The following CDYL2 variants were observed in gnomAD, a reference collection of about 807,000 sequenced individuals.
CDYL2 encodes the protein chromodomain Y like 2.
A neutral mutation model predicts 49.4 loss-of-function variants in CDYL2; 23 were observed. The observed-to-expected ratio is 0.47, with a 90% CI of 0.34 to 0.66. CDYL2 has a LOEUF of 0.66. Among genes scored for constraint, CDYL2 ranks in the 30% least tolerant of loss-of-function variants. The pLI is 0.01. For synonymous variants in CDYL2, 360 were observed against 268.8 expected (o/e 1.34, Z -3.32); for missense variants, 678 against 656.4 (o/e 1.03, Z -0.36).
chr16:80,774,524 C>A (rs1344597147), intron 1 of CDYL2, among the ~76,000 whole-genome samples: 1 of 151,536 alleles, frequency 6.6e-6, no homozygotes, highest in African/African-American at 2.4e-5. Flanking sequence ...TTATATACTC[C>A]AAAACTGCTA....
chr16:80,784,003 T>C (rs767939140), intron 1 of CDYL2, among the ~76,000 whole-genome samples: 5 of 152,218 alleles, frequency 3.3e-5, no homozygotes, highest in Admixed American at 6.5e-5. Context: ...CTAAATGCCA[T>C]TGAAATGTAC....
intron 1 of CDYL2, among the ~76,000 whole-genome samples, chr16:80,719,734 G>C (rs1053609700): frequency 6.6e-6 from 1 of 152,174 alleles, no homozygotes; most frequent in Non-Finnish European, 1.5e-5. Context: ...CAGGAAACAA[G>C]GAGGCTGTCG....
chr16:80,612,641 G>T lies in CDYL2; in HGVS notation c.1203C>A (p.Ile401=). The stretch of plus-strand genomic sequence containing the variant: ...GGAGGCTTACCAGCGCGACGCCCAG[G>T]ATCTGGGGGAAGGTGTAGGAGGAGC... The part of the protein sequence containing the change: ...AGCSSYTFPQ[I]LGVALANEML... Residue 401 remains isoleucine, a synonymous_variant, in exon 5 of 7, where the codon ATC becomes ATA. Transcript: ENST00000570137. This position sits in a 1 kb window ranked among gnomAD's most constrained non-coding sequence, Gnocchi z 5.0. 12 of 1,609,914 alleles carry T rather than the reference G, an allele frequency of 7.5e-6. No homozygotes were observed. The highest frequency in any genetic ancestry group is 1.0e-5 in the Non-Finnish European group (12 of 1,178,292).
chr16:80,795,468 A>G (rs73583946), intron 1 of CDYL2, among the ~76,000 whole-genome samples: 14,413 of 152,106 alleles, frequency 0.095, 1,491 homozygotes, highest in African/African-American at 0.25. Context: ...CAATGAATGG[A>G]CCTTTCACTG....
In CDYL2 at chr16:80,668,357, G is replaced by T. The variant is rs193277386; in HGVS notation, c.616+16181C>A. 1.5e-3 allele frequency among the ~76,000 whole-genome samples: 236 copies of T among 152,290 alleles called. 3 individuals are homozygous for T. Among genetic ancestry groups the T allele is most frequent in the Middle Eastern group, 0.01 (3 of 292 alleles). On this transcript the variant is annotated intron_variant, in intron 2 of 6. Transcript: ENST00000570137. ...TGAATAGACAGACAGATGACAGACA[G>T]ATATATACATATCTATACCTACATA...
At chr16:80,768,485 C>A (rs1036776073) in intron 1 of CDYL2, among the ~76,000 whole-genome samples, 1 of 152,204 alleles carries the variant, frequency 6.6e-6, no homozygotes, top group African/African-American at 2.4e-5. Context: ...AGTCCAAGAT[C>A]AAGGCCCCAG....
rs187078645 is a variant in CDYL2, at chr16:80,778,807, G to C, written c.24+25343C>G. Among the ~76,000 whole-genome samples the C allele has an allele frequency of 4.5e-3, 682 of 152,092 alleles. 8 individuals are homozygous for C. Among genetic ancestry groups the C allele is most frequent in the African/African-American group, 0.015 (625 of 41,522 alleles). ...ATAATGGAAATTGTAGAACAGAGTA[G>C]AATGCCTGGAAACAAACTCATATTA... On this transcript the variant is annotated intron_variant, in intron 1 of 6. Transcript: ENST00000570137.
intron 1 of CDYL2, among the ~76,000 whole-genome samples, chr16:80,712,988 C>T (rs1597093400): frequency 6.6e-6 from 1 of 152,310 alleles, no homozygotes; most frequent in East Asian, 1.9e-4. Flanking sequence ...TGTCCGAAGT[C>T]AAATGCACTC....
In CDYL2 at chr16:80,776,539, C is replaced by T. The variant is rs1250955384; in HGVS notation, c.24+27611G>A. Among the ~76,000 whole-genome samples, 3 of 151,146 alleles carry T rather than the reference C, an allele frequency of 2.0e-5. No homozygotes were observed. The East Asian group carries it at 5.8e-4, about 29-fold the overall frequency. ...GATAATGGAATGTATAAATAAATTCCATACACTTCCATCCATCTTTTATTT... is the reference window on the plus strand; with the variant it reads ...GATAATGGAATGTATAAATAAATTCTATACACTTCCATCCATCTTTTATTT... On this transcript the variant is annotated intron_variant, in intron 1 of 6. Coordinates refer to ENST00000570137, the MANE Select transcript of CDYL2 (RefSeq NM_152342.4).
At chr16:80,794,598 A>ATTTTTTTTTTTTT (rs966789395) in intron 1 of CDYL2, among the ~76,000 whole-genome samples, 1 of 66,830 alleles carries the variant, frequency 1.5e-5, no homozygotes, top group Non-Finnish European at 3.0e-5. Context: ...ATTCCCAGTG[A>ATTTTTTTTTTTTT]TTTTTTTTTT....
At chr16:80,651,556 A>C (rs1908582665) in intron 2 of CDYL2, among the ~76,000 whole-genome samples, 1 of 152,190 alleles carries the variant, frequency 6.6e-6, no homozygotes, top group Admixed American at 6.5e-5. Context: ...ATACCAAAGA[A>C]ATTTACAGCA....
In CDYL2 at chr16:80,619,361, C is replaced by T. The variant is rs569411675; in HGVS notation, c.1007+1402G>A. On this transcript the variant is annotated intron_variant, in intron 4 of 6. Transcript: ENST00000570137. ...ACTTCAACTCACTACAAGGGGTCTGCATGCTAATGAGCTGCTCGTGCATGG... is the reference window on the plus strand; with the variant it reads ...ACTTCAACTCACTACAAGGGGTCTGTATGCTAATGAGCTGCTCGTGCATGG... Among the ~76,000 whole-genome samples, 4 of 152,292 alleles carry T rather than the reference C, an allele frequency of 2.6e-5. 1 individual carries two copies. The highest frequency in any genetic ancestry group is 9.6e-5 in the African/African-American group (4 of 41,558).
At chr16:80,685,838 A>G (rs1404341441) in intron 1 of CDYL2, among the ~76,000 whole-genome samples, 1 of 152,136 alleles carries the variant, frequency 6.6e-6, no homozygotes, top group Non-Finnish European at 1.5e-5. Context: ...TTATTCTCTT[A>G]CTCACTAGGC....
chr16:80,698,212 CT>C (rs544721602), intron 1 of CDYL2, among the ~76,000 whole-genome samples: 69 of 152,124 alleles, frequency 4.5e-4, no homozygotes, highest in African/African-American at 1.6e-3. Context: ...GATTTCATGG[CT>C]AAGACCTCGA....
At chr16:80,772,443 T>C (rs1906937259) in intron 1 of CDYL2, among the ~76,000 whole-genome samples, 2 of 152,224 alleles carry the variant, frequency 1.3e-5, no homozygotes, top group African/African-American at 4.8e-5. Flanking sequence ...CTGGGAATAG[T>C]GCAAATTGCA....
intron 3 of CDYL2, 45 bp downstream of exon 3, chr16:80,632,974 G>T (rs1483494940): frequency 3.8e-6 from 6 of 1,560,664 alleles, no homozygotes; most frequent in Non-Finnish European, 5.3e-6. Flanking sequence ...GAGTGAGAAG[G>T]AGCCACAGCC....
intron 1 of CDYL2, among the ~76,000 whole-genome samples, chr16:80,716,474 CTGGATGAACAATGGGTGGG>C (rs1470033669): frequency 2.0e-5 from 3 of 150,784 alleles, no homozygotes; most frequent in African/African-American, 7.3e-5. Flanking sequence ...GGACGGATAG[CTGGATGAACAATGGGTGGG>C]TGGATGGAGG....
intron 1 of CDYL2, among the ~76,000 whole-genome samples, chr16:80,702,600 A>T (rs1291452675): frequency 6.6e-6 from 1 of 152,080 alleles, no homozygotes; most frequent in Non-Finnish European, 1.5e-5. Flanking sequence ...AAATTTAAAA[A>T]TTAGCTGGGT....
At chr16:80,665,630 A>C (rs1909230054) in intron 2 of CDYL2, among the ~76,000 whole-genome samples, 1 of 152,094 alleles carries the variant, frequency 6.6e-6, no homozygotes, top group East Asian at 1.9e-4. Context: ...CCAGGAACTC[A>C]GGACAGACCC....
Sources: allele counts gnomAD v4.1 joint callset (sites outside exome capture counted in the v4.1 genomes callset), GRCh38; gene constraint gnomAD v4.1.1; non-coding constraint Gnocchi (gnomAD v3.1); transcripts MANE v1.5; gene names NCBI Gene and HGNC (gene_info 2026-07-23, HGNC 2026-07-21).